NCOR2: variants seen among roughly 807,000 people sequenced by gnomAD.
The protein encoded by NCOR2 is nuclear receptor corepressor 2, also known as CTG repeat protein 26.
A neutral mutation model predicts 262.9 loss-of-function variants in NCOR2; 81 were observed. That is an observed-to-expected ratio of 0.31 (90% CI 0.26 to 0.37). The LOEUF (loss-of-function observed/expected upper bound fraction) is 0.37. Ranked by LOEUF, NCOR2 falls within the 10% of genes least tolerant of loss-of-function variation. The pLI, the probability that NCOR2 is intolerant of heterozygous loss-of-function variation, is 1.00. For missense variants in NCOR2, 3,385 were observed against 3,621.4 expected, an observed-to-expected ratio of 0.93 and a Z score of 1.68; for synonymous variants, 1,659 against 1,559.3, an observed-to-expected ratio of 1.06 and a Z score of -1.51.
At chr12:124,392,291 C>T (rs577437905) in intron 16 of NCOR2, among the ~76,000 whole-genome samples, 38 of 152,294 alleles carry the variant, frequency 2.5e-4, no homozygotes, top group African/African-American at 9.1e-4. Context: ...TGGCTGTACC[C>T]CAAGTTCCTG....
At chr12:124,408,693 G>A (rs1730065480) in intron 13 of NCOR2, among the ~76,000 whole-genome samples, 2 of 152,108 alleles carry the variant, frequency 1.3e-5, no homozygotes, top group Non-Finnish European at 1.5e-5. Flanking sequence ...AGGCTGCAGC[G>A]AGCTTCAACT....
chr12:124,558,704 C>T (rs2051967346), intron 1 of NCOR2, among the ~76,000 whole-genome samples: 1 of 152,154 alleles, frequency 6.6e-6, no homozygotes, highest in South Asian at 2.1e-4. Context: ...CTGCTGGGTC[C>T]ACCTCCCTGA....
At chr12:124,327,778 G>A (rs2034814924) in intron 44 of NCOR2, 145 bp from the exon 47 acceptor site, 10 of 624,852 alleles carry the variant, frequency 1.6e-5, no homozygotes, top group Admixed American at 1.1e-4. Context: ...AGCACATTTC[G>A]GCAAAGCAAC....
intron 27 of NCOR2, among the ~76,000 whole-genome samples, chr12:124,351,059 G>C (rs1048108337): frequency 2.6e-5 from 4 of 152,174 alleles, no homozygotes; most frequent in African/African-American, 9.7e-5. Flanking sequence ...CCGAGGCACA[G>C]GGAGGCACAG....
At chr12:124,376,804 G>A (rs546711139) in intron 18 of NCOR2, among the ~76,000 whole-genome samples, 1 of 152,348 alleles carries the variant, frequency 6.6e-6, no homozygotes, top group East Asian at 1.9e-4. Context: ...CAGAGAGGGA[G>A]GGACAACAGG....
At chr12:124,337,341 G>T in intron 37 of NCOR2, 161 bp from the exon 40 acceptor site, 1 of 851,170 alleles carries the variant, frequency 1.2e-6, no homozygotes, top group Non-Finnish European at 1.9e-6. Flanking sequence ...GTGCGTCATG[G>T]TTTGACCCAT....
At chr12:124,331,882 C>T (rs866903033) in intron 43 of NCOR2, 1 of 171,510 alleles carries the variant, frequency 5.8e-6, no homozygotes, top group Non-Finnish European at 1.3e-5. Context: ...CACCCACTCA[C>T]GTATTCCCTG....
In NCOR2 at chr12:124,327,179, G is replaced by A. The variant is rs978300731; in HGVS notation, c.7183+230C>T. 3.3e-5 allele frequency among the ~76,000 whole-genome samples: 5 copies of A among 152,094 alleles called. No homozygotes were observed. In the South Asian group the frequency reaches 6.2e-4, roughly 19 times the overall value. ...TGTCCGAGGGAGGCGGCAGCGCTTC[G>A]GGCCTAGTGGGCAGGAGGGCCGGGG... On this transcript the variant is annotated intron_variant, in intron 45 of 46. Coordinates refer to ENST00000405201, the Ensembl canonical transcript of NCOR2.
chr12:124,358,186 C>T (rs975594301), intron 22 of NCOR2, among the ~76,000 whole-genome samples: 9 of 128,914 alleles, frequency 7.0e-5, no homozygotes, highest in African/African-American at 2.4e-4. Flanking sequence ...AAGGAGATAA[C>T]CTGTGATGTG....
chr12:124,511,373 G>A (rs2049384328), intron 1 of NCOR2, among the ~76,000 whole-genome samples: 1 of 152,244 alleles, frequency 6.6e-6, no homozygotes, highest in Non-Finnish European at 1.5e-5. Context: ...GTGCCACTAA[G>A]GAGCTGTGTG....
intron 44 of NCOR2, among the ~76,000 whole-genome samples, chr12:124,329,486 A>G (rs753364195): frequency 9.2e-5 from 14 of 152,036 alleles, no homozygotes; most frequent in Non-Finnish European, 1.3e-4. Flanking sequence ...AACAAACACA[A>G]AAAACAAAAA....
intron 3 of NCOR2, among the ~76,000 whole-genome samples, chr12:124,473,937 A>G (rs1593714085): frequency 1.3e-5 from 2 of 152,036 alleles, no homozygotes; most frequent in Admixed American, 1.3e-4. Flanking sequence ...CCCAGCCATC[A>G]CCCATTCTCC....
intron 8 of NCOR2, 71 bp from the exon 11 acceptor site, chr12:124,430,858 T>C (rs150994953): frequency 2.6e-6 from 4 of 1,524,030 alleles, no homozygotes; most frequent in Non-Finnish European, 3.5e-6. Context: ...CCCTGCCCAC[T>C]CACATGCAGG....
chr12:124,362,217 T>A, exon 22 of NCOR2: 1 of 1,311,818 alleles, frequency 7.6e-7, no homozygotes, highest in South Asian at 2.9e-5. Flanking sequence ...GCTGCAGGTT[T>A]TGCGGTGGCG....
intron 28 of NCOR2, among the ~76,000 whole-genome samples, chr12:124,349,879 G>A (rs151266965): frequency 6.6e-6 from 1 of 152,158 alleles, no homozygotes; most frequent in African/African-American, 2.4e-5. Flanking sequence ...ACAGCTGCAG[G>A]CCTGTCTCCA....
intron 6 of NCOR2, among the ~76,000 whole-genome samples, chr12:124,455,670 G>A (rs759638416): frequency 1.6e-4 from 25 of 152,222 alleles, no homozygotes; most frequent in African/African-American, 5.1e-4. Context: ...TGAGCGCTTC[G>A]TAGGGACCAG....
intron 18 of NCOR2, among the ~76,000 whole-genome samples, chr12:124,375,228 C>T (rs1160607257): frequency 1.3e-5 from 2 of 152,214 alleles, no homozygotes; most frequent in Non-Finnish European, 2.9e-5. Context: ...TCATTCCCTT[C>T]CTTCCACAGT....
At chr12:124,444,030 C>T (rs1029269304) in intron 7 of NCOR2, among the ~76,000 whole-genome samples, 16 of 152,302 alleles carry the variant, frequency 1.1e-4, no homozygotes, top group Admixed American at 9.8e-4. Flanking sequence ...CTCACTCAAA[C>T]CTTCCTTCCC....
chr12:124,428,043 C>CTGTGTGTG lies in NCOR2; in HGVS notation c.1150-1244_1150-1243insCACACACA, dbSNP rs1491282996. Among the ~76,000 whole-genome samples the CTGTGTGTG allele has an allele frequency of 2.6e-3, 107 of 41,060 alleles. 1 individual carries two copies. Among genetic ancestry groups the CTGTGTGTG allele is most frequent in the Middle Eastern group, 0.026 (2 of 78 alleles). 26.9% of individuals were successfully genotyped at this position (41,060 alleles called of 152,430 possible). ...TCTGATGACTGCATTCCCATGTGGC[C>CTGTGTGTG]AGTGTGTGTGTGTGTGTGTGTGTGT... is the stretch of plus-strand genomic sequence containing the variant. On this transcript the variant is annotated intron_variant, in intron 10 of 46. Coordinates refer to ENST00000405201, the Ensembl canonical transcript of NCOR2.
Sources: gnomAD v4.1 joint callset for allele counts (sites outside exome capture counted in the v4.1 genomes callset) on GRCh38, gnomAD v4.1.1 for gene constraint, MANE v1.5 for transcripts, NCBI Gene and HGNC (gene_info 2026-07-23, HGNC 2026-07-21) for gene names.